Variants in CIST1 observed in about 807,000 individuals in gnomAD.
CIST1 encodes the protein colon, intestine and stomach enriched 1.
chr19:18,255,395 C>T, the CIST1 span: 7 of 397,736 alleles, frequency 1.8e-5, no homozygotes, highest in Non-Finnish European at 2.7e-5. The surrounding 1 kb of genome is among the most constrained non-coding windows in gnomAD (Gnocchi z 4.6). Flanking sequence ...CCTGCGTGTG[C>T]GCTCCCTGCT....
At chr19:18,254,030 C>G in the CIST1 span, among the ~76,000 whole-genome samples, 1 of 152,208 alleles carries the variant, frequency 6.6e-6, no homozygotes, top group African/African-American at 2.4e-5. Context: ...GGGGCTGGGT[C>G]CACATGCCAC....
the CIST1 span, chr19:18,252,219 G>A: frequency 7.5e-6 from 3 of 399,022 alleles, no homozygotes; most frequent in Non-Finnish European, 1.3e-5. Flanking sequence ...GCCAGAACTA[G>A]GGTGCGTGAT....
chr19:18,250,800 G>C, the CIST1 span, among the ~76,000 whole-genome samples: 1 of 150,448 alleles, frequency 6.6e-6, no homozygotes, highest in African/African-American at 2.5e-5. Flanking sequence ...TTGAGACAGG[G>C]TCTTGCTCTG....
chr19:18,253,204 A>C, the CIST1 span, among the ~76,000 whole-genome samples: 1 of 151,962 alleles, frequency 6.6e-6, no homozygotes, highest in Non-Finnish European at 1.5e-5. Context: ...GTTCATGTGG[A>C]GTTGGTGCCT....
the CIST1 span, among the ~76,000 whole-genome samples, chr19:18,254,154 G>A: frequency 1.3e-5 from 2 of 152,178 alleles, no homozygotes; most frequent in Non-Finnish European, 2.9e-5. Context: ...AGAAACTGAG[G>A]CTCAGAGTAG....
chr19:18,255,156 G>A, the CIST1 span: 35 of 398,078 alleles, frequency 8.8e-5, no homozygotes, highest in African/African-American at 6.6e-4. This position sits in a 1 kb window ranked among gnomAD's most constrained non-coding sequence, Gnocchi z 4.6. Context: ...GTGTGACTGG[G>A]CTGTGCGTCC....
the CIST1 span, chr19:18,252,281 G>T: frequency 5.0e-6 from 2 of 399,198 alleles, no homozygotes; most frequent in South Asian, 2.5e-4. Flanking sequence ...TGGAGCTGGG[G>T]CTCGGCTGGA....
chr19:18,250,416 C>T, the CIST1 span: 94,603 of 398,884 alleles, frequency 0.24, 12,237 homozygotes, highest in East Asian at 0.29. Flanking sequence ...AGCAAACACA[C>T]GACCACCACC....
chr19:18,251,576 A>C, the CIST1 span, among the ~76,000 whole-genome samples: 1 of 151,490 alleles, frequency 6.6e-6, no homozygotes, highest in African/African-American at 2.4e-5. Flanking sequence ...CTGAGATTAC[A>C]GGCGTCTGCC....
At chr19:18,252,856 C>G in the CIST1 span, among the ~76,000 whole-genome samples, 1 of 152,196 alleles carries the variant, frequency 6.6e-6, no homozygotes, top group Non-Finnish European at 1.5e-5. Flanking sequence ...ATCCACCTGC[C>G]TTGGCCTCCC....
At chr19:18,250,027 C>T in the CIST1 span, 6 of 398,476 alleles carry the variant, frequency 1.5e-5, no homozygotes, top group Admixed American at 8.8e-5. Context: ...TGTTTTCACA[C>T]GAGGCCTTGG....
At chr19:18,253,095 C>A in the CIST1 span, among the ~76,000 whole-genome samples, 2 of 152,168 alleles carry the variant, frequency 1.3e-5, no homozygotes, top group Non-Finnish European at 2.9e-5. Context: ...GCTGAGAGCT[C>A]TAGAAGCCCT....
chr19:18,251,749 C>T, the CIST1 span, among the ~76,000 whole-genome samples: 17 of 134,926 alleles, frequency 1.3e-4, no homozygotes, highest in Non-Finnish European at 2.6e-4. Context: ...CACCGCGCCC[C>T]GCCATTTTTA....
chr19:18,252,039 A>G, the CIST1 span: 1 of 398,480 alleles, frequency 2.5e-6, no homozygotes, highest in Non-Finnish European at 4.4e-6. Context: ...CCTCCCTACA[A>G]ACACCCAAAT....
the CIST1 span, among the ~76,000 whole-genome samples, chr19:18,250,756 A>C: frequency 6.2e-5 from 9 of 145,206 alleles, no homozygotes; most frequent in African/African-American, 2.0e-4. Flanking sequence ...ACAGGCATGC[A>C]CCACCATGCC....
At chr19:18,250,335 C>G in the CIST1 span, 1 of 399,150 alleles carries the variant, frequency 2.5e-6, no homozygotes, top group Non-Finnish European at 4.4e-6. Context: ...TCCAGGTTCT[C>G]AAACTTGGAC....
the CIST1 span, chr19:18,252,519 CT>C: frequency 2.5e-6 from 1 of 398,942 alleles, no homozygotes; most frequent in Non-Finnish European, 4.4e-6. Context: ...AATTCCAGCA[CT>C]TTGAGAGGTC....
the CIST1 span, among the ~76,000 whole-genome samples, chr19:18,251,703 T>TCCCCGCCCCCGCCCC: frequency 1.5e-5 from 1 of 68,804 alleles, no homozygotes; most frequent in Admixed American, 1.4e-4. Context: ...GCCCCCGCCC[T>TCCCCGCCCCCGCCCC]CGGCCTCCCA....
chr19:18,254,085 C>T, the CIST1 span, among the ~76,000 whole-genome samples: 1 of 152,162 alleles, frequency 6.6e-6, no homozygotes, highest in African/African-American at 2.4e-5. Context: ...GTGGGGATGA[C>T]GGCTGAGTCT....
Sources: allele counts gnomAD v4.1 joint callset (sites outside exome capture counted in the v4.1 genomes callset), GRCh38; gene constraint gnomAD v4.1.1; non-coding constraint Gnocchi (gnomAD v3.1); transcripts MANE v1.5; gene names NCBI Gene and HGNC (gene_info 2026-07-23, HGNC 2026-07-21).